Variants in NTNG1 observed in about 807,000 individuals in gnomAD.
NTNG1 encodes netrin G1.
NTNG1 carries 16 observed loss-of-function variants against 54.0 expected under a neutral mutation model. That is an observed-to-expected ratio of 0.30 (90% CI 0.20 to 0.45). The LOEUF (loss-of-function observed/expected upper bound fraction) is 0.45, where lower values mean the gene tolerates loss of function less well. NTNG1 is among the 20% of genes least tolerant of loss of function. The pLI, the probability that NTNG1 is intolerant of heterozygous loss-of-function variation, is 1.00. For missense variants in NTNG1, 530 were observed against 678.7 expected (o/e 0.78, Z 2.43); for synonymous variants, 255 against 263.1 (o/e 0.97, Z 0.30).
intron 3 of NTNG1, among the ~76,000 whole-genome samples, chr1:107,369,752 T>C (rs530679024): frequency 8.5e-5 from 13 of 152,296 alleles, no homozygotes; most frequent in Admixed American, 8.5e-4. Context: ...GAAGTTGATC[T>C]AGGTGTGTTC....
intron 5 of NTNG1, among the ~76,000 whole-genome samples, chr1:107,420,794 C>T (rs952150552): frequency 1.3e-5 from 2 of 152,138 alleles, no homozygotes; most frequent in South Asian, 4.1e-4. Flanking sequence ...GGGGATCCTA[C>T]TATCCATATT....
chr1:107,385,206 T>G (rs1671885340), intron 3 of NTNG1, among the ~76,000 whole-genome samples: 1 of 152,220 alleles, frequency 6.6e-6, no homozygotes, highest in African/African-American at 2.4e-5. Context: ...GCCCTAGGAC[T>G]GGGATCGTGG....
At chr1:107,459,703 C>A (rs570474173) in intron 7 of NTNG1, among the ~76,000 whole-genome samples, 5 of 152,148 alleles carry the variant, frequency 3.3e-5, no homozygotes, top group Non-Finnish European at 5.9e-5. Context: ...TAGCAGGACA[C>A]CAGCAGGAGA....
At chr1:107,456,150 G>A (rs1445400058) in intron 7 of NTNG1, among the ~76,000 whole-genome samples, 1 of 152,166 alleles carries the variant, frequency 6.6e-6, no homozygotes, top group East Asian at 1.9e-4. Flanking sequence ...CAAAGGCCGT[G>A]AAGGAGCAGT....
chr1:107,172,175 G>A lies in NTNG1; in HGVS notation c.246+23336G>A, dbSNP rs551561248. 2.3e-4 allele frequency among the ~76,000 whole-genome samples: 35 copies of A among 152,066 alleles called. No homozygotes were observed. In the South Asian group the frequency reaches 5.8e-3, roughly 25 times the overall value. On this transcript the variant is annotated intron_variant, in intron 2 of 7. Transcript: ENST00000370068. ...GTATGACATAGGTATTATTATCCTC[G>A]AAACACTTGAGAACACTGAGACTCA...
At chr1:107,356,559 GCT>G (rs1284369442) in intron 3 of NTNG1, among the ~76,000 whole-genome samples, 2 of 152,090 alleles carry the variant, frequency 1.3e-5, no homozygotes, top group Non-Finnish European at 2.9e-5. Flanking sequence ...CTCCCAAAGT[GCT>G]GGGATTACAG....
intron 3 of NTNG1, among the ~76,000 whole-genome samples, chr1:107,332,775 C>T (rs772301360): frequency 6.6e-6 from 1 of 151,916 alleles, no homozygotes; most frequent in Admixed American, 6.6e-5. Context: ...CAATATGGGT[C>T]TATATTTTCA....
chr1:107,255,945 A>C (rs146067345), intron 2 of NTNG1, among the ~76,000 whole-genome samples: 37 of 152,342 alleles, frequency 2.4e-4, no homozygotes, highest in Non-Finnish European at 4.0e-4. Flanking sequence ...TGTTTTGAGA[A>C]AGTTGAAAAT....
chr1:107,202,557 G>C lies in NTNG1; in HGVS notation c.246+53718G>C, dbSNP rs1301618077. Among the ~76,000 whole-genome samples the C allele has an allele frequency of 2.0e-5, 3 of 151,640 alleles. No homozygotes were observed. The East Asian group carries it at 5.8e-4, about 29-fold the overall frequency. The stretch of plus-strand genomic sequence containing the variant: ...CTTTGTTTGCTTTTTATAATTTCCT[G>C]ACTCACTGTAGAAAAACTTTTCTAC... On this transcript the variant is annotated intron_variant, in intron 2 of 7. Transcript: ENST00000370068.
At chr1:107,141,999 A>AAAC (rs1363188922) in intron 1 of NTNG1, among the ~76,000 whole-genome samples, 2 of 152,172 alleles carry the variant, frequency 1.3e-5, no homozygotes, top group East Asian at 3.9e-4. Flanking sequence ...TGCTAGATTA[A>AAAC]AACATTACTA....
chr1:107,278,880 T>C (rs1664655450), intron 2 of NTNG1, among the ~76,000 whole-genome samples: 1 of 152,178 alleles, frequency 6.6e-6, no homozygotes, highest in South Asian at 2.1e-4. Context: ...CCCTAAACTT[T>C]CTTCTACTTT....
rs573115775 is a variant in NTNG1 at position 107,278,404 on chromosome 1, A to T, written c.247-45878A>T. 3.3e-5 allele frequency among the ~76,000 whole-genome samples: 5 copies of T among 152,324 alleles called. No individual in the cohort carries two copies. In the South Asian group the frequency reaches 1.0e-3, roughly 32 times the overall value. On this transcript the variant is annotated intron_variant, in intron 2 of 7. Coordinates refer to ENST00000370068, the MANE Select transcript of NTNG1 (RefSeq NM_001113226.3). ...TCACGTATTAAATAGAAAAGACTTC[A>T]GGGAAATAGATGATTCTTTTATTCC...
Position 107,324,540 on chromosome 1 carries a change from G to A in NTNG1, c.505G>A (p.Gly169Arg). ...QMILEKSLDY[G>R]RTWQPYQYYA... ...GATCCTGGAGAAGTCTCTCGATTAT[G>A]GACGAACATGGCAGCCCTATCAGTA... The change falls in exon 3 of 8, where the codon GGA becomes AGA. Residue 169 changes from glycine to arginine, a missense_variant. Around this residue, in one of 2 missense-constraint regions of NTNG1, gnomAD observed 318 missense variants for 465.1 expected, o/e 0.68. Transcript: ENST00000370068. 6.2e-7 allele frequency: 1 copy of A among 1,613,786 alleles called. No individual in the cohort carries two copies. Among genetic ancestry groups the A allele is most frequent in the Non-Finnish European group, 8.5e-7 (1 of 1,179,856 alleles).
chr1:107,179,223 G>A (rs1656885448), intron 2 of NTNG1, among the ~76,000 whole-genome samples: 4 of 152,106 alleles, frequency 2.6e-5, no homozygotes, highest in Admixed American at 2.0e-4. Context: ...TGTCCAGCTG[G>A]TTCTTTTATT....
intron 2 of NTNG1, among the ~76,000 whole-genome samples, chr1:107,192,126 C>G (rs997318372): frequency 3.3e-5 from 5 of 152,066 alleles, no homozygotes; most frequent in African/African-American, 4.8e-5. Context: ...TGTAGTTCTC[C>G]TTGAAGAGGT....
chr1:107,318,431 T>C (rs1417072450), intron 2 of NTNG1, among the ~76,000 whole-genome samples: 1 of 141,672 alleles, frequency 7.1e-6, no homozygotes, highest in African/African-American at 2.6e-5. Flanking sequence ...AGCTGTAAAG[T>C]GTTTCCTTTG....
chr1:107,233,209 A>G (rs567403877), intron 2 of NTNG1, among the ~76,000 whole-genome samples: 1 of 152,338 alleles, frequency 6.6e-6, no homozygotes, highest in African/African-American at 2.4e-5. Flanking sequence ...TGGAGATAGA[A>G]GATAAGAAAT....
At chr1:107,231,257 C>T (rs1661046479) in intron 2 of NTNG1, among the ~76,000 whole-genome samples, 1 of 152,164 alleles carries the variant, frequency 6.6e-6, no homozygotes, top group African/African-American at 2.4e-5. Context: ...CTGGCATAAA[C>T]AAGCAGAGGT....
At chr1:107,200,106 C>T (rs955621725) in intron 2 of NTNG1, among the ~76,000 whole-genome samples, 1 of 151,808 alleles carries the variant, frequency 6.6e-6, no homozygotes, top group Non-Finnish European at 1.5e-5. Flanking sequence ...ATGCCAGATT[C>T]TTGGATACTG....
Sources: gnomAD v4.1 joint callset for allele counts (sites outside exome capture counted in the v4.1 genomes callset) on GRCh38, gnomAD v4.1.1 for gene constraint, gnomAD v4.1.1 regional missense constraint, MANE v1.5 for transcripts, NCBI Gene and HGNC (gene_info 2026-07-23, HGNC 2026-07-21) for gene names.